BMAL2: variants seen among roughly 807,000 people sequenced by gnomAD.
The protein encoded by BMAL2 is basic helix-loop-helix ARNT-like protein 2.
chr12:27,348,749 T>A, the BMAL2 span, among the ~76,000 whole-genome samples: 1 of 152,350 alleles, frequency 6.6e-6, no homozygotes, highest in East Asian at 1.9e-4. Flanking sequence ...GCATAATCCA[T>A]CATTTCCTCA....
chr12:27,337,779 TA>T, the BMAL2 span, among the ~76,000 whole-genome samples: 7 of 152,158 alleles, frequency 4.6e-5, no homozygotes, highest in Non-Finnish European at 1.0e-4. Flanking sequence ...AGAATAGGGG[TA>T]AAAATACCTA....
chr12:27,390,184 T>C, the BMAL2 span: 7 of 1,613,740 alleles, frequency 4.3e-6, no homozygotes, highest in Non-Finnish European at 5.9e-6. Context: ...GGATAAAGAG[T>C]TGTAAAATCT....
At chr12:27,400,861 C>T in the BMAL2 span, 1,126,326 of 1,141,050 alleles carry the variant, frequency 0.99, 555,820 homozygotes, top group Non-Finnish European at 0.99. Flanking sequence ...GCTAGTTTTT[C>T]TTTTTCTTTT....
the BMAL2 span, among the ~76,000 whole-genome samples, chr12:27,350,824 C>G: frequency 1.3e-5 from 2 of 151,620 alleles, no homozygotes; most frequent in Non-Finnish European, 2.9e-5. Context: ...GGATTACAGG[C>G]GCCCACCACC....
chr12:27,378,966 G>A, the BMAL2 span, among the ~76,000 whole-genome samples: 17 of 152,122 alleles, frequency 1.1e-4, no homozygotes, highest in African/African-American at 2.7e-4. Flanking sequence ...CCTGGGTCAC[G>A]TTGGAAGAAG....
the BMAL2 span, among the ~76,000 whole-genome samples, chr12:27,386,901 G>A: frequency 2.6e-5 from 4 of 152,308 alleles, no homozygotes; most frequent in Non-Finnish European, 4.4e-5. Flanking sequence ...AAAGTGCTGG[G>A]ATATAGGCTC....
the BMAL2 span, among the ~76,000 whole-genome samples, chr12:27,397,046 TTTTGTTTGTTTGTTTGTTTG>T: frequency 0.015 from 2,338 of 151,802 alleles, 67 homozygotes; most frequent in African/African-American, 0.053. Context: ...TTCACTGTGG[TTTTGTTTGTTTGTTTGTTTG>T]TTTGTTTGTT....
chr12:27,373,288 C>T, the BMAL2 span, among the ~76,000 whole-genome samples: 1 of 152,032 alleles, frequency 6.6e-6, no homozygotes, highest in Non-Finnish European at 1.5e-5. Flanking sequence ...CGTTTTCTGA[C>T]TTGGGCTCCT....
chr12:27,342,887 T>G, the BMAL2 span, among the ~76,000 whole-genome samples: 1 of 152,240 alleles, frequency 6.6e-6, no homozygotes, highest in Non-Finnish European at 1.5e-5. Flanking sequence ...GTTTTCAACT[T>G]GAAATGCTAG....
the BMAL2 span, among the ~76,000 whole-genome samples, chr12:27,342,133 T>A: frequency 6.6e-6 from 1 of 152,114 alleles, no homozygotes; most frequent in Non-Finnish European, 1.5e-5. Context: ...AGACGTGGTT[T>A]CATCATGATG....
chr12:27,401,264 G>A, the BMAL2 span: 1 of 1,613,764 alleles, frequency 6.2e-7, no homozygotes, highest in Non-Finnish European at 8.5e-7. Context: ...CAGGGCAACA[G>A]CGATTTTAGG....
the BMAL2 span, among the ~76,000 whole-genome samples, chr12:27,336,520 T>C: frequency 6.6e-6 from 1 of 152,340 alleles, no homozygotes; most frequent in Admixed American, 6.5e-5. Flanking sequence ...TACTTAGCTA[T>C]GTATGCCCTG....
the BMAL2 span, among the ~76,000 whole-genome samples, chr12:27,418,479 T>A: frequency 6.6e-6 from 1 of 151,674 alleles, no homozygotes; most frequent in Admixed American, 6.6e-5. Flanking sequence ...ATGGCTCATG[T>A]CTATAGTCTT....
At chr12:27,398,194 C>T in the BMAL2 span, among the ~76,000 whole-genome samples, 1 of 152,186 alleles carries the variant, frequency 6.6e-6, no homozygotes, top group Admixed American at 6.5e-5. Context: ...CAAGTGAAGA[C>T]AGCAAGACAC....
chr12:27,414,887 AAAAAG>A, the BMAL2 span, among the ~76,000 whole-genome samples: 21 of 152,230 alleles, frequency 1.4e-4, no homozygotes, highest in Admixed American at 1.3e-3. Flanking sequence ...GACTAAGAAA[AAAAAG>A]AGAGAAGTCT....
At chr12:27,335,814 A>G in the BMAL2 span, among the ~76,000 whole-genome samples, 2 of 149,198 alleles carry the variant, frequency 1.3e-5, no homozygotes, top group African/African-American at 2.5e-5. Flanking sequence ...AAGGAAGGAG[A>G]AGGGGAGGAG....
At chr12:27,369,746 A>G in the BMAL2 span, among the ~76,000 whole-genome samples, 1 of 152,236 alleles carries the variant, frequency 6.6e-6, no homozygotes, top group East Asian at 1.9e-4. Context: ...GCTTCATGCC[A>G]CATGGAGGGC....
At chr12:27,405,126 G>A in the BMAL2 span, among the ~76,000 whole-genome samples, 2 of 152,276 alleles carry the variant, frequency 1.3e-5, no homozygotes, top group Admixed American at 1.3e-4. Flanking sequence ...GGAGCCCACC[G>A]CAGCTCAAGG....
At chr12:27,340,323 A>T in the BMAL2 span, among the ~76,000 whole-genome samples, 1 of 152,164 alleles carries the variant, frequency 6.6e-6, no homozygotes, top group Non-Finnish European at 1.5e-5. Flanking sequence ...GCATATTGCT[A>T]GCCAGTTATC....
Sources: gnomAD v4.1 joint callset for allele counts (sites outside exome capture counted in the v4.1 genomes callset) on GRCh38, gnomAD v4.1.1 for gene constraint, MANE v1.5 for transcripts, NCBI Gene and HGNC (gene_info 2026-07-23, HGNC 2026-07-21) for gene names.